Variants in IL17RA observed in about 807,000 individuals in gnomAD.
The protein encoded by IL17RA is interleukin 17 receptor A.
IL17RA carries 34 observed loss-of-function variants against 50.4 expected under a neutral mutation model. The observed-to-expected ratio is 0.67, with a 90% CI of 0.51 to 0.90. The LOEUF (loss-of-function observed/expected upper bound fraction) is 0.90. IL17RA is among the 40% of genes least tolerant of loss of function. IL17RA has a pLI of 0.00. For missense variants in IL17RA, 1,276 were observed against 1,169.8 expected (o/e 1.09, Z -1.32); for synonymous variants, 585 against 510.4 (o/e 1.15, Z -1.97).
chr22:17,094,699 A>ATG (rs1555873369), intron 1 of IL17RA, among the ~76,000 whole-genome samples: 1 of 57,148 alleles, frequency 1.7e-5, no homozygotes, highest in Non-Finnish European at 3.1e-5. Context: ...CTCTATATAT[A>ATG]TATATATATA....
At chr22:17,085,949 T>C (rs2061326051) in intron 1 of IL17RA, among the ~76,000 whole-genome samples, 1 of 152,074 alleles carries the variant, frequency 6.6e-6, no homozygotes, top group Non-Finnish European at 1.5e-5. Flanking sequence ...GGCAGATGGT[T>C]CTTAAGACGG....
rs773566463 is a variant in IL17RA, at chr22:17,113,564, G to A, written c.*3744G>A. The stretch of plus-strand genomic sequence containing the variant: ...AAGAAGATGTACTTACAATGCAGTG[G>A]GTGGTTTTAACTCTATAGCCTTTGG... On this transcript the variant is annotated 3_prime_UTR_variant, in exon 13 of 13. Transcript: ENST00000319363. 6.6e-6 allele frequency: 1 copy of A among 152,260 alleles called. No individual in the cohort carries two copies. The highest frequency in any genetic ancestry group is 1.5e-5 in the Non-Finnish European group (1 of 68,062). 9.4% of individuals were successfully genotyped at this position (152,260 alleles called of 1,614,324 possible).
chr22:17,089,305 C>G (rs1308253345), intron 1 of IL17RA, among the ~76,000 whole-genome samples: 1 of 152,204 alleles, frequency 6.6e-6, no homozygotes, highest in Non-Finnish European at 1.5e-5. Context: ...AATGCCAGCT[C>G]TGTGGGACCT....
At chr22:17,104,655 T>G in intron 8 of IL17RA, 71 bp from the exon 9 acceptor site, 1 of 1,377,850 alleles carries the variant, frequency 7.3e-7, no homozygotes, top group Non-Finnish European at 1.0e-6. Context: ...CCTCTCACAT[T>G]GCCGCTGCTG....
chr22:17,104,873 T>C, intron 9 of IL17RA, 63 bp downstream of exon 9: 1 of 1,487,782 alleles, frequency 6.7e-7, no homozygotes, highest in East Asian at 2.3e-5. Context: ...GCCCCCAGCC[T>C]GTGCTGCGTC....
Position 17,115,270 on chromosome 22 carries a change from G to T in IL17RA, c.*5450G>T, listed in dbSNP as rs564645994. Reference sequence around the variant, plus strand: ...ACGTTGTTCTGTAATTATTTTCTATGTAAATTTTGTTCCTTGTTACAATTA... The same window carrying T: ...ACGTTGTTCTGTAATTATTTTCTATTTAAATTTTGTTCCTTGTTACAATTA... On this transcript the variant is annotated 3_prime_UTR_variant, in exon 13 of 13. Coordinates refer to ENST00000319363, the MANE Select transcript of IL17RA (RefSeq NM_014339.7). 6.6e-6 allele frequency: 1 copy of T among 152,384 alleles called. No individual in the cohort carries two copies. Among genetic ancestry groups the T allele is most frequent in the Admixed American group, 6.5e-5 (1 of 15,306 alleles). 9.4% of individuals were successfully genotyped at this position (152,384 alleles called of 1,614,324 possible).
At chr22:17,094,693 A>ATATATATATATATGTG in intron 1 of IL17RA, among the ~76,000 whole-genome samples, 1 of 45,270 alleles carries the variant, frequency 2.2e-5, no homozygotes, top group Non-Finnish European at 3.9e-5. Context: ...CTCTCTCTCT[A>ATATATATATATATGTG]TATATATATA....
At chr22:17,086,419 C>T (rs1340124305) in intron 1 of IL17RA, among the ~76,000 whole-genome samples, 1 of 151,938 alleles carries the variant, frequency 6.6e-6, no homozygotes, top group Non-Finnish European at 1.5e-5. Flanking sequence ...TGAGAAATGT[C>T]CTGTGACTTC....
chr22:17,094,654 A>ACTCTCTCTCTCTCTCTCTCTCT lies in IL17RA; in HGVS notation c.139-2407_139-2406insTCTCTCTCTCTCTCTCTCTCTC, dbSNP rs774982179. Among the ~76,000 whole-genome samples the ACTCTCTCTCTCTCTCTCTCTCT allele has an allele frequency of 4.6e-4, 10 of 21,622 alleles. 1 individual carries two copies. Among genetic ancestry groups the ACTCTCTCTCTCTCTCTCTCTCT allele is most frequent in the African/African-American group, 8.6e-4 (3 of 3,470 alleles). The allele number at this position is 21,622 out of a possible 152,430, so 14.2% of individuals were successfully genotyped here. On this transcript the variant is annotated intron_variant, in intron 1 of 12. Coordinates refer to ENST00000319363, the MANE Select transcript of IL17RA (RefSeq NM_014339.7). ...TTTCTATTCTCATTTAGTCATACAC[A>ACTCTCTCTCTCTCTCTCTCTCT]CACTCTCTCTCTCTCTCTCTCTCTC...
At chr22:17,105,800 G>C in intron 10 of IL17RA, 53 bp from the exon 11 acceptor site, 1 of 1,525,330 alleles carries the variant, frequency 6.6e-7, no homozygotes, top group Non-Finnish European at 9.0e-7. Flanking sequence ...GGGGGCCTCA[G>C]GGTGGGCAGG....
In IL17RA at chr22:17,112,265, C is replaced by T. The variant is rs770781195; in HGVS notation, c.*2445C>T. On this transcript the variant is annotated 3_prime_UTR_variant, in exon 13 of 13. Coordinates refer to ENST00000319363, the MANE Select transcript of IL17RA (RefSeq NM_014339.7). Reference sequence around the variant, plus strand: ...TGGGCATTGCCTACTATCTCCAGGGCAGCTGCCTTTGTCCTCCTAACAGCT... The same window carrying T: ...TGGGCATTGCCTACTATCTCCAGGGTAGCTGCCTTTGTCCTCCTAACAGCT... 8.5e-5 allele frequency: 13 copies of T among 152,230 alleles called. No homozygotes were observed. The highest frequency in any genetic ancestry group is 1.5e-4 in the Non-Finnish European group (10 of 68,068). 9.4% of individuals were successfully genotyped at this position (152,230 alleles called of 1,614,324 possible).
chr22:17,103,535 C>T lies in IL17RA; in HGVS notation c.804C>T (p.Leu268=). Reference sequence around the variant, plus strand: ...TCCACCAGCGATCCAACGTCACACTCACTCTACGCAACCTTAAAGGGTGCT... The same window carrying T: ...TCCACCAGCGATCCAACGTCACACTTACTCTACGCAACCTTAAAGGGTGCT... The part of the protein sequence containing the change: ...EEFHQRSNVT[L]TLRNLKGCCR... Residue 268 remains leucine (L), a synonymous_variant, in exon 8 of 13, where the codon CTC becomes CTT. Transcript: ENST00000319363. 1 of 1,613,732 alleles carries T rather than the reference C, an allele frequency of 6.2e-7. No homozygotes were observed. The highest frequency in any genetic ancestry group is 8.5e-7 in the Non-Finnish European group (1 of 1,179,884).
Position 17,115,325 on chromosome 22 carries a change from CAT to C in IL17RA, c.*5506_*5507del, listed in dbSNP as rs2061462986. ...TGTCTTAGGGGAAAGGACCATTTCA[CAT>C]GTGTCACCTCATGTGATTCTCACCA... On this transcript the variant is annotated 3_prime_UTR_variant, in exon 13 of 13. Coordinates refer to ENST00000319363, the MANE Select transcript of IL17RA (RefSeq NM_014339.7). The C allele has an allele frequency of 6.6e-6, 1 of 152,390 alleles. No individual in the cohort carries two copies. Among genetic ancestry groups the C allele is most frequent in the South Asian group, 2.1e-4 (1 of 4,830 alleles). 9.4% of individuals were successfully genotyped at this position (152,390 alleles called of 1,614,324 possible). A position where few individuals can be genotyped will look rare whatever the true frequency, so the allele number is the denominator to read the frequency against.
At position 17,113,604 on chromosome 22, in the gene IL17RA, G is replaced by T. The variant is rs2061454468; in HGVS notation, c.*3784G>T. 1 of 152,276 alleles carries T rather than the reference G, an allele frequency of 6.6e-6. No individual in the cohort carries two copies. Among genetic ancestry groups the T allele is most frequent in the Admixed American group, 6.5e-5 (1 of 15,280 alleles). 9.4% of individuals were successfully genotyped at this position (152,276 alleles called of 1,614,324 possible). A position where few individuals can be genotyped will look rare whatever the true frequency, so the allele number is the denominator to read the frequency against. ...ATAGCCTTTGGGCTCTGTGGTTGGT[G>T]CTCCCCTTCCTAAATAAATGAGGTG... On this transcript the variant is annotated 3_prime_UTR_variant, in exon 13 of 13. Coordinates refer to ENST00000319363, the MANE Select transcript of IL17RA (RefSeq NM_014339.7).
chr22:17,094,654 A>ACTCTCTCTCTCTCTCTCT (rs774982179), intron 1 of IL17RA, among the ~76,000 whole-genome samples: 30 of 21,614 alleles, frequency 1.4e-3, no homozygotes, highest in African/African-American at 2.9e-3. Context: ...AGTCATACAC[A>ACTCTCTCTCTCTCTCTCT]CACTCTCTCT....
chr22:17,098,113 A>G (rs1454658422), intron 3 of IL17RA, among the ~76,000 whole-genome samples, 170 bp downstream of exon 3: 3 of 152,182 alleles, frequency 2.0e-5, no homozygotes, highest in African/African-American at 7.2e-5. Flanking sequence ...AGCATTTTAG[A>G]TATTAACCCA....
chr22:17,109,495 G>C lies in IL17RA; in HGVS notation c.2276G>C (p.Ser759Thr), dbSNP rs1348611201. The C allele has an allele frequency of 3.1e-6, 5 of 1,607,528 alleles. No individual in the cohort carries two copies. The South Asian group carries it at 4.4e-5, about 14-fold the overall frequency. Reference protein sequence around the residue: ...EGLMLSLFEQSLSCQAQGGCS... With the variant: ...EGLMLSLFEQTLSCQAQGGCS... ...TTGATGCTCTCGCTCTTCGAGCAGAGTCTGAGCTGCCAGGCCCAGGGGGGC... is the reference window on the plus strand; with the variant it reads ...TTGATGCTCTCGCTCTTCGAGCAGACTCTGAGCTGCCAGGCCCAGGGGGGC... The change falls in exon 13 of 13, where the codon AGT (serine) becomes ACT (threonine). Residue 759 changes from serine (S) to threonine (T), a missense_variant. Ser to Thr is a moderately conservative substitution (Grantham distance 58). Transcript: ENST00000319363.
At chr22:17,089,935 GGACAA>G (rs1359517913) in intron 1 of IL17RA, among the ~76,000 whole-genome samples, 6 of 150,712 alleles carry the variant, frequency 4.0e-5, no homozygotes, top group Non-Finnish European at 7.4e-5. Flanking sequence ...GGAATTTGTT[GGACAA>G]GACAAGATAT....
chr22:17,105,810 G>C, intron 10 of IL17RA, 43 bp from the exon 11 acceptor site: 5 of 1,542,498 alleles, frequency 3.2e-6, no homozygotes, highest in Non-Finnish European at 4.4e-6. Context: ...GGGTGGGCAG[G>C]GCAGGCCCCG....
Sources: allele counts gnomAD v4.1 joint callset (sites outside exome capture counted in the v4.1 genomes callset), GRCh38; gene constraint gnomAD v4.1.1; transcripts MANE v1.5; gene names NCBI Gene and HGNC (gene_info 2026-07-23, HGNC 2026-07-21).